FAM149A: variants seen among roughly 807,000 people sequenced by gnomAD.
FAM149A encodes the protein protein FAM149A.
A neutral mutation model predicts 78.2 loss-of-function variants in FAM149A; 71 were observed. That is an observed-to-expected ratio of 0.91 (90% CI 0.75 to 1.11). The LOEUF (loss-of-function observed/expected upper bound fraction) is 1.11, where lower values mean the gene tolerates loss of function less well. FAM149A is among the 50% of genes least tolerant of loss of function. The pLI is 0.00. For missense variants in FAM149A, 1,036 were observed against 971.0 expected (o/e 1.07, Z -0.89); for synonymous variants, 446 against 410.5 (o/e 1.09, Z -1.04).
intron 1 of FAM149A, chr4:186,131,882 C>A: frequency 1.0e-6 from 1 of 985,030 alleles, no homozygotes; most frequent in Admixed American, 6.1e-5. Flanking sequence ...TCAAAACAGA[C>A]CATTTACTGG....
At chr4:186,117,025 A>T (rs2099314015) in intron 1 of FAM149A, among the ~76,000 whole-genome samples, 1 of 152,186 alleles carries the variant, frequency 6.6e-6, no homozygotes, top group South Asian at 2.1e-4. Context: ...CACATTGGCT[A>T]CCTAACCTCT....
rs1561396267 is a variant in FAM149A, at chr4:186,136,959, TCTCTTTCTCTCTCTCTTTCTCTC to T, written c.567-12213_567-12191del. Among the ~76,000 whole-genome samples, 131 of 105,440 alleles carry T rather than the reference TCTCTTTCTCTCTCTCTTTCTCTC, an allele frequency of 1.2e-3. 1 individual carries two copies. In the Middle Eastern group the frequency reaches 0.014, roughly 11 times the overall value. 69.2% of individuals were successfully genotyped at this position (105,440 alleles called of 152,430 possible). A position where few individuals can be genotyped will look rare whatever the true frequency, so the allele number is the denominator to read the frequency against. On this transcript the variant is annotated intron_variant, in intron 1 of 13. Transcript: ENST00000389354. ...TGATCTCTCTCTCTCTCTCTCTCTC[TCTCTTTCTCTCTCTCTTTCTCTC>T]TCTCTCTCTCTCTCTCTCTCTCTCT...
chr4:186,125,956 A>G (rs1025410544), intron 1 of FAM149A: 11 of 985,298 alleles, frequency 1.1e-5, no homozygotes, highest in Non-Finnish European at 1.1e-5. Context: ...CCTGTTCTCC[A>G]GCTGCCCGGA....
intron 1 of FAM149A, among the ~76,000 whole-genome samples, chr4:186,134,602 C>G (rs1040464833): frequency 6.6e-6 from 1 of 152,150 alleles, no homozygotes; most frequent in African/African-American, 2.4e-5. Context: ...CCTGGGTATC[C>G]TGCATTGCCC....
chr4:186,149,800 C>A, intron 3 of FAM149A, 96 bp downstream of exon 3: 1 of 878,788 alleles, frequency 1.1e-6, no homozygotes, highest in Non-Finnish European at 1.5e-6. Flanking sequence ...ATTATAAAAG[C>A]ATGACCTATT....
chr4:186,131,727 CAA>C (rs1448838957), intron 1 of FAM149A: 3 of 181,536 alleles, frequency 1.7e-5, no homozygotes, highest in Non-Finnish European at 3.2e-5. Context: ...AAAGGTAAAA[CAA>C]TGAAACTTCT....
chr4:186,136,973 TC>T (rs2126388267), intron 1 of FAM149A, among the ~76,000 whole-genome samples: 1 of 68,694 alleles, frequency 1.5e-5, no homozygotes, highest in Admixed American at 1.8e-4. Flanking sequence ...TTTCTCTCTC[TC>T]TTTCTCTCTC....
chr4:186,157,798 C>A, intron 8 of FAM149A, 79 bp downstream of exon 8: 2 of 1,560,224 alleles, frequency 1.3e-6, no homozygotes, highest in South Asian at 1.2e-5. Context: ...TGTTAAACTG[C>A]AGTACTGAGA....
chr4:186,157,735 C>A lies in FAM149A; in HGVS notation c.1575+16C>A. On this transcript the variant is annotated intron_variant, in intron 8 of 13. Coordinates refer to ENST00000389354, the MANE Select transcript of FAM149A (RefSeq NM_001367768.3). ...CCCGCCCCAGGTCGGTGCTTTCACA[C>A]CCTTCTCCCTCTTGCCTTCACTCTG... 6.3e-7 allele frequency: 1 copy of A among 1,595,140 alleles called. No individual in the cohort carries two copies. The highest frequency in any genetic ancestry group is 8.5e-7 in the Non-Finnish European group (1 of 1,169,700).
In FAM149A at chr4:186,154,742, A is replaced by C. The variant is rs560223926; in HGVS notation, c.1229+104A>C. ...TAAGTGTTTTGTGTATTTTTTACTC[A>C]CCCAAAAGATTTCTGTTCTTTTGAG... On this transcript the variant is annotated intron_variant, in intron 6 of 13. Transcript: ENST00000389354. 9.6e-5 allele frequency: 139 copies of C among 1,445,116 alleles called. No individual in the cohort carries two copies. The South Asian group carries it at 1.7e-3, about 18-fold the overall frequency. The allele number at this position is 1,445,116 out of a possible 1,614,324, so 89.5% of individuals were successfully genotyped here.
intron 8 of FAM149A, among the ~76,000 whole-genome samples, chr4:186,159,121 A>G (rs1481137581): frequency 6.6e-6 from 1 of 152,142 alleles, no homozygotes; most frequent in Non-Finnish European, 1.5e-5. Flanking sequence ...ACCAATGAGT[A>G]TACATTGGGC....
intron 13 of FAM149A, among the ~76,000 whole-genome samples, chr4:186,168,598 C>A (rs1021013448): frequency 3.3e-5 from 5 of 152,194 alleles, no homozygotes; most frequent in African/African-American, 4.8e-5. Context: ...TCAGGTAATC[C>A]ACCCATCTTG....
intron 1 of FAM149A, among the ~76,000 whole-genome samples, chr4:186,113,644 G>A (rs905162591): frequency 2.0e-5 from 3 of 147,556 alleles, no homozygotes; most frequent in South Asian, 2.3e-4. Flanking sequence ...CCTTCATTTC[G>A]TTATGTATCC....
At chr4:186,154,816 G>A (rs1037354659) in intron 6 of FAM149A, 178 bp downstream of exon 6, 66 of 985,374 alleles carry the variant, frequency 6.7e-5, no homozygotes, top group Non-Finnish European at 7.7e-5. Flanking sequence ...CGGTGCACGT[G>A]CGGGAGCAGC....
rs1324553465 is a variant in FAM149A, at chr4:186,144,141, T to C, written c.567-5032T>C. 6.6e-6 allele frequency: 1 copy of C among 152,214 alleles called. No homozygotes were observed. The highest frequency in any genetic ancestry group is 1.5e-5 in the Non-Finnish European group (1 of 68,056). The allele number at this position is 152,214 out of a possible 1,614,324, so 9.4% of individuals were successfully genotyped here. A position where few individuals can be genotyped will look rare whatever the true frequency, so the allele number is the denominator to read the frequency against. ...CTGAGACTCAAAAATGTAGTTCACC[T>C]CCGCGACCTCACCCCTTCTTCCCTT... On this transcript the variant is annotated intron_variant, in intron 1 of 13. Transcript: ENST00000389354. The surrounding 1 kb of genome is among the most constrained non-coding windows in gnomAD (Gnocchi z 4.2).
At chr4:186,150,144 C>T (rs1733363437) in intron 3 of FAM149A, among the ~76,000 whole-genome samples, 1 of 152,164 alleles carries the variant, frequency 6.6e-6, no homozygotes, top group South Asian at 2.1e-4. Context: ...GGCGCTGTTG[C>T]CTCTGAACTG....
chr4:186,129,930 A>G (rs2099319873), intron 1 of FAM149A: 1 of 152,214 alleles, frequency 6.6e-6, no homozygotes, highest in Admixed American at 6.5e-5. Context: ...ACCAAGGGCC[A>G]GTTCATGAAG....
At position 186,104,979 on chromosome 4, in the gene FAM149A, G is replaced by A. The variant is rs997892682; in HGVS notation, c.-98G>A. The A allele has an allele frequency of 9.2e-5, 110 of 1,197,054 alleles. No homozygotes were observed. The African/African-American group carries it at 1.6e-3, about 17-fold the overall frequency. 74.2% of individuals were successfully genotyped at this position (1,197,054 alleles called of 1,614,324 possible). A position where few individuals can be genotyped will look rare whatever the true frequency, so the allele number is the denominator to read the frequency against. ...GGGCCTCCGGGGCTCCGGGTGCGGGGACCTCAGGCTCCTCGCCCCGGCCCG... is the reference window on the plus strand; with the variant it reads ...GGGCCTCCGGGGCTCCGGGTGCGGGAACCTCAGGCTCCTCGCCCCGGCCCG... On this transcript the variant is annotated 5_prime_UTR_variant, in exon 1 of 14. Coordinates refer to ENST00000389354, the MANE Select transcript of FAM149A (RefSeq NM_001367768.3).
intron 1 of FAM149A, among the ~76,000 whole-genome samples, chr4:186,145,399 T>TC (rs1276167824): frequency 1.3e-5 from 2 of 151,944 alleles, no homozygotes; most frequent in African/African-American, 4.8e-5. Flanking sequence ...CCCCTGTGTG[T>TC]CCCCCCATCC....
Sources: allele counts gnomAD v4.1 joint callset (sites outside exome capture counted in the v4.1 genomes callset), GRCh38; gene constraint gnomAD v4.1.1; non-coding constraint Gnocchi (gnomAD v3.1); transcripts MANE v1.5; gene names NCBI Gene and HGNC (gene_info 2026-07-23, HGNC 2026-07-21).